The following USP14 variants were observed in gnomAD, a reference collection of about 807,000 sequenced individuals.
USP14 encodes ubiquitin specific peptidase 14, also known as ubiquitin carboxyl-terminal hydrolase 14.
In USP14, 38 loss-of-function variants were observed where a neutral mutation model predicts 76.5. The ratio of observed to expected loss-of-function variants is 0.50; its 90% confidence interval spans 0.38 to 0.65. The LOEUF (loss-of-function observed/expected upper bound fraction) is 0.65, where lower values mean the gene tolerates loss of function less well. Ranked by LOEUF, USP14 falls within the 30% of genes least tolerant of loss-of-function variation. USP14 has a pLI of 0.00. For missense variants in USP14, 467 were observed against 586.5 expected (o/e 0.80, Z 2.10); for synonymous variants, 192 against 191.7 (o/e 1.00, Z -0.01).
intron 5 of USP14, among the ~76,000 whole-genome samples, chr18:183,510 G>T (rs1598271270): frequency 1.3e-5 from 2 of 151,688 alleles, no homozygotes; most frequent in Non-Finnish European, 1.5e-5. Flanking sequence ...AAAATTTCTA[G>T]ATCTGTTTTT....
intron 3 of USP14, among the ~76,000 whole-genome samples, chr18:174,271 T>TC (rs1471156008): frequency 5.0e-5 from 5 of 99,558 alleles, no homozygotes; most frequent in Admixed American, 9.4e-5. Flanking sequence ...TTTCTTTCTT[T>TC]TTTTTTTTTT....
At chr18:173,162 G>A (rs1202186948) in intron 3 of USP14, among the ~76,000 whole-genome samples, 1 of 150,450 alleles carries the variant, frequency 6.6e-6, no homozygotes, top group Non-Finnish European at 1.5e-5. Flanking sequence ...AGGCTGGAGT[G>A]CAGTGGCACG....
rs1909182050 is a variant in USP14 at position 163,471 on chromosome 18, T to C, written c.162+18T>C. 1 of 1,594,188 alleles carries C rather than the reference T, an allele frequency of 6.3e-7. No individual in the cohort carries two copies. Among genetic ancestry groups the C allele is most frequent in the Non-Finnish European group, 8.5e-7 (1 of 1,171,890 alleles). ...CGCTAAAGGTAAAATGTAGTCCAAATTTTCATCACATTACTATTATTGTAT... is the reference window on the plus strand; with the variant it reads ...CGCTAAAGGTAAAATGTAGTCCAAACTTTCATCACATTACTATTATTGTAT... On this transcript the variant is annotated intron_variant, in intron 2 of 15. Coordinates refer to ENST00000261601, the MANE Select transcript of USP14 (RefSeq NM_005151.4).
chr18:210,114 AT>A lies in USP14; in HGVS notation c.1225+85del, dbSNP rs1313167578. 4 of 1,128,086 alleles carry A rather than the reference AT, an allele frequency of 3.5e-6. No homozygotes were observed. In the Admixed American group the frequency reaches 7.4e-5, roughly 21 times the overall value. 69.9% of individuals were successfully genotyped at this position (1,128,086 alleles called of 1,614,324 possible). A position where few individuals can be genotyped will look rare whatever the true frequency, so the allele number is the denominator to read the frequency against. On this transcript the variant is annotated intron_variant, in intron 14 of 15. Coordinates refer to ENST00000261601, the MANE Select transcript of USP14 (RefSeq NM_005151.4). ...TTTACATCTTACCCCATATTTACTT[AT>A]TCTGATGTGCTTTTCAAACAAAATG... is the stretch of plus-strand genomic sequence containing the variant.
At chr18:202,118 T>TA (rs1910399345) in intron 10 of USP14, among the ~76,000 whole-genome samples, 1 of 152,256 alleles carries the variant, frequency 6.6e-6, no homozygotes, top group Non-Finnish European at 1.5e-5. Flanking sequence ...TTTGTTTTCT[T>TA]AAAGCAGAGC....
chr18:163,261 CTT>C, intron 1 of USP14, 45 bp from the exon 2 acceptor site: 1 of 1,528,766 alleles, frequency 6.5e-7, no homozygotes, highest in East Asian at 2.5e-5. Context: ...GTCTGTAAAT[CTT>C]GTCTTGTTAT....
rs956917189 is a variant in USP14, at chr18:198,180, T to C, written c.761+48T>C. 4.8e-6 allele frequency: 7 copies of C among 1,461,098 alleles called. 1 individual carries two copies. Among genetic ancestry groups the C allele is most frequent in the Admixed American group, 4.1e-5 (2 of 48,532 alleles). The allele number at this position is 1,461,098 out of a possible 1,614,324, so 90.5% of individuals were successfully genotyped here. A position where few individuals can be genotyped will look rare whatever the true frequency, so the allele number is the denominator to read the frequency against. Reference sequence around the variant, plus strand: ...AGACTATACTCATACCTTATTAGAATTGGCATAAATAGCATCATTGGCTGA... The same window carrying C: ...AGACTATACTCATACCTTATTAGAACTGGCATAAATAGCATCATTGGCTGA... On this transcript the variant is annotated intron_variant, in intron 9 of 15. Transcript: ENST00000261601.
At position 171,009 on chromosome 18, in the gene USP14, TAAA is replaced by T. The variant is rs145131497; in HGVS notation, c.195+4205_195+4207del. 6.3e-4 allele frequency among the ~76,000 whole-genome samples: 58 copies of T among 91,674 alleles called. 1 individual carries two copies. Among genetic ancestry groups the T allele is most frequent in the East Asian group, 1.8e-3 (5 of 2,756 alleles). The allele number at this position is 91,674 out of a possible 152,430, so 60.1% of individuals were successfully genotyped here. A position where few individuals can be genotyped will look rare whatever the true frequency, so the allele number is the denominator to read the frequency against. On this transcript the variant is annotated intron_variant, in intron 3 of 15. Coordinates refer to ENST00000261601, the MANE Select transcript of USP14 (RefSeq NM_005151.4). The stretch of plus-strand genomic sequence containing the variant: ...CATCCTGGACATGTACCCTGGAACT[TAAA>T]AAAAAAAAAAAAAATATATATATAT...
intron 2 of USP14, 99 bp downstream of exon 2, chr18:163,552 G>A: frequency 4.4e-6 from 6 of 1,367,864 alleles, no homozygotes; most frequent in Non-Finnish European, 5.9e-6. Flanking sequence ...CATTTGAAGT[G>A]CTTTTTTTAT....
chr18:192,273 G>C (rs1910111559), intron 5 of USP14, among the ~76,000 whole-genome samples: 1 of 151,878 alleles, frequency 6.6e-6, no homozygotes, highest in Admixed American at 6.6e-5. Flanking sequence ...TTCAGAAAAT[G>C]TTTGTTTTAG....
intron 13 of USP14, among the ~76,000 whole-genome samples, chr18:207,837 G>A (rs561858432): frequency 6.6e-6 from 1 of 152,194 alleles, no homozygotes; most frequent in South Asian, 2.1e-4. Flanking sequence ...TCTTTTTGAT[G>A]CTTTTGTAAA....
intron 6 of USP14, among the ~76,000 whole-genome samples, chr18:194,253 T>C (rs913499411): frequency 2.0e-5 from 3 of 152,246 alleles, no homozygotes; most frequent in Non-Finnish European, 4.4e-5. Context: ...GACTTACTTG[T>C]TGAAATGAAG....
intron 14 of USP14, 110 bp from the exon 15 acceptor site, chr18:210,276 T>C: frequency 1.2e-6 from 1 of 829,950 alleles, no homozygotes; most frequent in Non-Finnish European, 1.9e-6. Flanking sequence ...TCTTATTGGA[T>C]TCTGATAATA....
Position 179,905 on chromosome 18 carries a change from AT to A in USP14, c.301-327del, listed in dbSNP as rs1472420335. On this transcript the variant is annotated intron_variant, in intron 4 of 15. Coordinates refer to ENST00000261601, the MANE Select transcript of USP14 (RefSeq NM_005151.4). ...TGTGAGCCACTGTGCCCAACCTGTT[AT>A]TTTGCTTTTTGTTTTGAAGTGTTTC... 9.9e-5 allele frequency among the ~76,000 whole-genome samples: 15 copies of A among 150,892 alleles called. No homozygotes were observed. The South Asian group carries it at 3.1e-3, about 31-fold the overall frequency.
intron 3 of USP14, among the ~76,000 whole-genome samples, chr18:170,535 A>G (rs1450984257): frequency 6.6e-6 from 1 of 152,196 alleles, no homozygotes; most frequent in Non-Finnish European, 1.5e-5. Flanking sequence ...AATTTAAAAG[A>G]TAAGTTCTTG....
At chr18:187,482 G>A (rs931667211) in intron 5 of USP14, among the ~76,000 whole-genome samples, 1 of 152,022 alleles carries the variant, frequency 6.6e-6, no homozygotes, top group Non-Finnish European at 1.5e-5. Flanking sequence ...TCAGCCTTTG[G>A]GATTTTGACC....
intron 5 of USP14, among the ~76,000 whole-genome samples, chr18:188,263 T>TA (rs1301600657): frequency 1.3e-5 from 2 of 152,160 alleles, no homozygotes; most frequent in African/African-American, 4.8e-5. Flanking sequence ...GGAGGTTTTT[T>TA]AAAAATAAGA....
intron 14 of USP14, 94 bp from the exon 15 acceptor site, chr18:210,292 G>C: frequency 1.1e-6 from 1 of 929,410 alleles, no homozygotes; most frequent in Non-Finnish European, 1.6e-6. Context: ...TAATACTTTC[G>C]TAATGTGAAC....
At position 179,319 on chromosome 18, in the gene USP14, T is replaced by C. The variant is rs572503684; in HGVS notation, c.300+282T>C. Among the ~76,000 whole-genome samples the C allele has an allele frequency of 2.6e-5, 4 of 152,240 alleles. No homozygotes were observed. The East Asian group carries it at 7.7e-4, about 29-fold the overall frequency. On this transcript the variant is annotated intron_variant, in intron 4 of 15. Transcript: ENST00000261601. The stretch of plus-strand genomic sequence containing the variant: ...TACTTAGGCTTAACTTACATATATT[T>C]AGCTAATATCTGTAATAAATATGTT...
Sources: allele counts gnomAD v4.1 joint callset (sites outside exome capture counted in the v4.1 genomes callset), GRCh38; gene constraint gnomAD v4.1.1; transcripts MANE v1.5; gene names NCBI Gene and HGNC (gene_info 2026-07-23, HGNC 2026-07-21).